The following NALF1 variants were observed in gnomAD, a reference collection of about 807,000 sequenced individuals.
The protein encoded by NALF1 is family with sequence similarity 155 member A.
In NALF1, 3 loss-of-function variants were observed where a neutral mutation model predicts 48.4. That is an observed-to-expected ratio of 0.06 (90% CI 0.03 to 0.16). NALF1 has a LOEUF of 0.16. Ranked by LOEUF, NALF1 falls within the 10% of genes least tolerant of loss-of-function variation. The pLI is 1.00. For synonymous variants in NALF1, 262 were observed against 245.7 expected (o/e 1.07, Z -0.62); for missense variants, 526 against 571.5 (o/e 0.92, Z 0.81).
intron 1 of NALF1, among the ~76,000 whole-genome samples, chr13:107,718,077 C>A (rs1315114840): frequency 6.6e-6 from 1 of 152,152 alleles, no homozygotes; most frequent in Non-Finnish European, 1.5e-5. Context: ...CCAGGTGTCT[C>A]TTCAGCGAAT....
intron 1 of NALF1, among the ~76,000 whole-genome samples, chr13:107,263,043 G>T (rs949860817): frequency 2.3e-4 from 35 of 152,248 alleles, no homozygotes; most frequent in African/African-American, 7.9e-4. Flanking sequence ...GTGAGGAAGA[G>T]TTGAGGGGTT....
intron 1 of NALF1, among the ~76,000 whole-genome samples, chr13:107,511,204 T>C (rs1301228277): frequency 6.6e-6 from 1 of 152,180 alleles, no homozygotes; most frequent in Admixed American, 6.5e-5. Flanking sequence ...GGGACAGATA[T>C]TTTAGTGAGC....
chr13:107,559,884 G>T (rs957145838), intron 1 of NALF1, among the ~76,000 whole-genome samples: 1 of 151,988 alleles, frequency 6.6e-6, no homozygotes, highest in Non-Finnish European at 1.5e-5. Context: ...GAAATATATC[G>T]CTATTGGTGA....
At chr13:107,538,664 T>A (rs781218734) in intron 1 of NALF1, among the ~76,000 whole-genome samples, 6 of 152,138 alleles carry the variant, frequency 3.9e-5, no homozygotes, top group Non-Finnish European at 8.8e-5. Flanking sequence ...TTGGACAATA[T>A]ATCTCAAGAT....
intron 1 of NALF1, among the ~76,000 whole-genome samples, chr13:107,764,013 G>T (rs139688428): frequency 2.0e-5 from 3 of 151,970 alleles, no homozygotes; most frequent in African/African-American, 7.3e-5. Context: ...ACTAATGGCC[G>T]GCCTCTGGGA....
At chr13:107,368,032 T>C (rs1042516503) in intron 1 of NALF1, among the ~76,000 whole-genome samples, 1 of 152,206 alleles carries the variant, frequency 6.6e-6, no homozygotes, top group African/African-American at 2.4e-5. Flanking sequence ...TTTAATCCTA[T>C]GTATATAAAA....
chr13:107,487,038 C>T (rs1468395162), intron 1 of NALF1, among the ~76,000 whole-genome samples: 1 of 152,068 alleles, frequency 6.6e-6, no homozygotes, highest in African/African-American at 2.4e-5. Context: ...TAGTTATAGA[C>T]ACGAATTCCT....
chr13:107,580,429 C>G (rs530353085), intron 1 of NALF1, among the ~76,000 whole-genome samples: 1 of 152,108 alleles, frequency 6.6e-6, no homozygotes, highest in Non-Finnish European at 1.5e-5. Flanking sequence ...AGGGCCCTAT[C>G]CTCTTCATCA....
intron 1 of NALF1, among the ~76,000 whole-genome samples, chr13:107,612,237 G>A (rs4000634): frequency 0.66 from 99,229 of 151,188 alleles, 32,827 homozygotes; most frequent in East Asian, 0.85. Flanking sequence ...ATTAAACTCA[G>A]AGAAAACAGA....
intron 1 of NALF1, among the ~76,000 whole-genome samples, chr13:107,725,833 C>A (rs1399909420): frequency 3.3e-5 from 5 of 152,146 alleles, no homozygotes; most frequent in African/African-American, 7.2e-5. Context: ...CCATAAAGTT[C>A]CAGATTACAA....
At chr13:107,409,968 AAGCAT>A in intron 1 of NALF1, among the ~76,000 whole-genome samples, 1 of 152,336 alleles carries the variant, frequency 6.6e-6, no homozygotes, top group African/African-American at 2.4e-5. Context: ...TCTACTGATT[AAGCAT>A]ATGCAGTAAT....
intron 1 of NALF1, among the ~76,000 whole-genome samples, chr13:107,374,959 T>C (rs1474134439): frequency 6.6e-6 from 1 of 152,186 alleles, no homozygotes; most frequent in African/African-American, 2.4e-5. Context: ...TGCTATTCTC[T>C]TAGAGCAGCA....
At chr13:107,486,426 GA>G (rs1885331565) in intron 1 of NALF1, among the ~76,000 whole-genome samples, 1 of 152,120 alleles carries the variant, frequency 6.6e-6, no homozygotes, top group Non-Finnish European at 1.5e-5. Flanking sequence ...AGCAAGATCT[GA>G]AAAATCTAGG....
At chr13:107,479,121 G>A (rs73594713) in intron 1 of NALF1, among the ~76,000 whole-genome samples, 1 of 152,188 alleles carries the variant, frequency 6.6e-6, no homozygotes, top group African/African-American at 2.4e-5. Context: ...TGCCCTTAAA[G>A]TCAGTCCATT....
intron 2 of NALF1, among the ~76,000 whole-genome samples, chr13:107,194,052 CT>C (rs1879341655): frequency 1.2e-5 from 1 of 80,484 alleles, no homozygotes; most frequent in African/African-American, 4.7e-5. Context: ...ATCTATCTAT[CT>C]ATCTATATAT....
intron 1 of NALF1, among the ~76,000 whole-genome samples, chr13:107,430,941 C>T (rs1884369314): frequency 6.6e-6 from 1 of 152,180 alleles, no homozygotes. Flanking sequence ...TCCTATTTCT[C>T]CACATCCTCT....
Position 107,299,444 on chromosome 13 carries a change from T to TAAC in NALF1, c.916-88690_916-88689insGTT, listed in dbSNP as rs1566478458. 1.1e-3 allele frequency among the ~76,000 whole-genome samples: 51 copies of TAAC among 47,858 alleles called. 1 individual carries two copies. The South Asian group carries it at 0.046, about 43-fold the overall frequency. 31.4% of individuals were successfully genotyped at this position (47,858 alleles called of 152,430 possible). On this transcript the variant is annotated intron_variant, in intron 1 of 2. Transcript: ENST00000375915. Reference sequence around the variant, plus strand: ...GAGCGAGACTTTGTCTCAATAATAATAATAATAATAATAATAATAATAATA... The same window carrying TAAC: ...GAGCGAGACTTTGTCTCAATAATAATAACAATAATAATAATAATAATAATAATA...
At chr13:107,452,841 C>A (rs1161643494) in intron 1 of NALF1, among the ~76,000 whole-genome samples, 1 of 152,178 alleles carries the variant, frequency 6.6e-6, no homozygotes, top group Non-Finnish European at 1.5e-5. Context: ...GGGGTAAAGG[C>A]CTTAGATAAA....
At chr13:107,415,431 C>T (rs891781377) in intron 1 of NALF1, among the ~76,000 whole-genome samples, 1 of 151,144 alleles carries the variant, frequency 6.6e-6, no homozygotes, top group Non-Finnish European at 1.5e-5. Flanking sequence ...TTGAAAGCAA[C>T]AGTACATACT....
Sources: allele counts gnomAD v4.1 joint callset (sites outside exome capture counted in the v4.1 genomes callset), GRCh38; gene constraint gnomAD v4.1.1; transcripts MANE v1.5; gene names NCBI Gene and HGNC (gene_info 2026-07-23, HGNC 2026-07-21).